The following ASMTL variants were observed in gnomAD, a reference collection of about 807,000 sequenced individuals.
ASMTL encodes acetylserotonin O-methyltransferase like.
Under a neutral mutation model 60.3 loss-of-function variants are expected in ASMTL, and 57 were observed. The ratio of observed to expected loss-of-function variants is 0.95; its 90% CI spans 0.76 to 1.18. ASMTL has a LOEUF of 1.18. ASMTL is among the 50% of genes most tolerant of loss of function. The pLI, the probability that ASMTL is intolerant of heterozygous loss-of-function variation, is 0.00. For missense variants in ASMTL, 981 were observed against 852.6 expected (o/e 1.15, Z -1.88); for synonymous variants, 419 against 373.0 (o/e 1.12, Z -1.42).
At chrX:1,445,796 AGAATCATAATGTAG>A (rs1156678981) in intron 1 of ASMTL, among the ~76,000 whole-genome samples, 2 of 152,206 alleles carry the variant, frequency 1.3e-5, no homozygotes, top group East Asian at 3.8e-4. Context: ...TCCTTGCTCT[AGAATCATAATGTAG>A]GAAAAGCCAG....
At chrX:1,414,932 CTCTT>C (rs1254762322) in intron 11 of ASMTL, among the ~76,000 whole-genome samples, 3 of 55,652 alleles carry the variant, frequency 5.4e-5, no homozygotes, top group African/African-American at 1.4e-4. Flanking sequence ...CGTCAGCTGT[CTCTT>C]TTTTTATTTT....
intron 8 of ASMTL, 55 bp downstream of exon 8, chrX:1,425,470 T>G (rs1425216261): frequency 1.0e-5 from 16 of 1,584,888 alleles, no homozygotes; most frequent in Non-Finnish European, 1.4e-5. Context: ...TCACCTTCCC[T>G]CAGTGACTTC....
intron 2 of ASMTL, among the ~76,000 whole-genome samples, chrX:1,440,883 CAT>C (rs1241378339): frequency 2.6e-5 from 4 of 152,106 alleles, no homozygotes; most frequent in African/African-American, 9.7e-5. Context: ...CACACAGTAA[CAT>C]ATTAATTCTA....
chrX:1,403,637 G>C, intron 12 of ASMTL, 148 bp from the exon 13 acceptor site: 1 of 664,146 alleles, frequency 1.5e-6, no homozygotes, highest in South Asian at 1.7e-5. Flanking sequence ...ACAGGTAGGG[G>C]AGGGGAGAGA....
At chrX:1,433,393 C>T (rs1212604740) in intron 5 of ASMTL, among the ~76,000 whole-genome samples, 10 of 146,250 alleles carry the variant, frequency 6.8e-5, no homozygotes, top group East Asian at 6.5e-4. Flanking sequence ...GGACCGCGCG[C>T]GGTGGCTCAC....
intron 5 of ASMTL, among the ~76,000 whole-genome samples, chrX:1,434,675 G>C (rs1176340031): frequency 5.3e-5 from 8 of 150,932 alleles, no homozygotes; most frequent in Non-Finnish European, 1.5e-5. Flanking sequence ...ATGGTGGTGG[G>C]CACCTGTAAT....
intron 6 of ASMTL, among the ~76,000 whole-genome samples, chrX:1,431,237 TTATA>T (rs1398746509): frequency 3.3e-5 from 4 of 122,610 alleles, no homozygotes; most frequent in African/African-American, 1.0e-4. Context: ...TAAATTATAT[TTATA>T]TATAATTATA....
At chrX:1,449,713 TA>T (rs1361282457) in intron 1 of ASMTL, among the ~76,000 whole-genome samples, 1 of 121,126 alleles carries the variant, frequency 8.3e-6, no homozygotes, top group African/African-American at 3.4e-5. Flanking sequence ...CCATCACCAG[TA>T]ACTATCCACC....
chrX:1,416,288 CACGCACACAG>C (rs2090254880), intron 11 of ASMTL, among the ~76,000 whole-genome samples: 1 of 149,640 alleles, frequency 6.7e-6, no homozygotes, highest in Non-Finnish European at 1.5e-5. Context: ...AACAGACAGG[CACGCACACAG>C]ACGCAGACAT....
At chrX:1,443,981 T>A (rs2091179266) in intron 1 of ASMTL, among the ~76,000 whole-genome samples, 2 of 152,178 alleles carry the variant, frequency 1.3e-5, no homozygotes, top group African/African-American at 4.8e-5. Flanking sequence ...CCATTTTAAG[T>A]TCCCTTGATT....
Position 1,435,008 on chromosome X carries a change from T to C in ASMTL, c.400+14A>G, listed in dbSNP as rs1274973047. 1.2e-6 allele frequency: 2 copies of C among 1,613,518 alleles called. No homozygotes were observed. Among genetic ancestry groups the C allele is most frequent in the Non-Finnish European group, 1.7e-6 (2 of 1,179,816 alleles). Reference sequence around the variant, plus strand: ...CGGCCTCTGGGGCTACCCCGAAACCTGGGCCGCGGTTACCTTTGCTGGAGC... The same window carrying C: ...CGGCCTCTGGGGCTACCCCGAAACCCGGGCCGCGGTTACCTTTGCTGGAGC... On this transcript the variant is annotated intron_variant, in intron 5 of 12. Coordinates refer to ENST00000381317, the MANE Select transcript of ASMTL (RefSeq NM_004192.4).
intron 11 of ASMTL, among the ~76,000 whole-genome samples, chrX:1,414,442 G>T (rs1412537189): frequency 1.3e-5 from 2 of 152,106 alleles, no homozygotes; most frequent in African/African-American, 2.4e-5. Context: ...TTTCCGGCCG[G>T]GCGGGGTGTA....
intron 5 of ASMTL, among the ~76,000 whole-genome samples, chrX:1,434,512 G>C (rs1426644686): frequency 7.5e-6 from 1 of 133,622 alleles, no homozygotes; most frequent in Non-Finnish European, 1.6e-5. Context: ...AAGAAAGAAA[G>C]AAAGAGAAAG....
rs376727581 is a variant in ASMTL, at chrX:1,418,034, G to C, written c.1461C>G (p.Ile487Met). ...QVTVFDLPDI[I>M]ELAAHFQPPG... ...GGGGTTGGAAGTGGGCGGCCAGCTC[G>C]ATAATGTCTGGGAGGTCAAACACAG... The change falls in exon 11 of 13, where the codon ATC (isoleucine) becomes ATG (methionine). Residue 487 changes from isoleucine to methionine, a missense_variant. Ile to Met is a conservative substitution (Grantham distance 10, BLOSUM62 1). Coordinates refer to ENST00000381317, the MANE Select transcript of ASMTL (RefSeq NM_004192.4). 2.8e-5 allele frequency: 45 copies of C among 1,613,594 alleles called. No individual in the cohort carries two copies. The highest frequency in any genetic ancestry group is 1.8e-4 in the Admixed American group (11 of 59,986).
At chrX:1,447,104 C>A (rs1190254855) in intron 1 of ASMTL, among the ~76,000 whole-genome samples, 1 of 152,146 alleles carries the variant, frequency 6.6e-6, no homozygotes, top group South Asian at 2.1e-4. Context: ...TTGGAAGGCC[C>A]CTAAAGAGTG....
rs1329724266 is a variant in ASMTL at position 1,406,206 on chromosome X, A to C, written c.1646-2717T>G. On this transcript the variant is annotated intron_variant, in intron 12 of 12. Coordinates refer to ENST00000381317, the MANE Select transcript of ASMTL (RefSeq NM_004192.4). Reference sequence around the variant, plus strand: ...GGGTAGATAGATGAATGGATGGATGAGATGGATGGATGGGTGAATAGATGG... The same window carrying C: ...GGGTAGATAGATGAATGGATGGATGCGATGGATGGATGGGTGAATAGATGG... Among the ~76,000 whole-genome samples, 4 of 138,140 alleles carry C rather than the reference A, an allele frequency of 2.9e-5. No homozygotes were observed. The Middle Eastern group carries it at 0.018, about 617-fold the overall frequency. 90.6% of individuals were successfully genotyped at this position (138,140 alleles called of 152,430 possible). A position where few individuals can be genotyped will look rare whatever the true frequency, so the allele number is the denominator to read the frequency against.
chrX:1,416,616 CAG>C (rs2149287811), intron 11 of ASMTL, among the ~76,000 whole-genome samples: 1 of 151,812 alleles, frequency 6.6e-6, no homozygotes, highest in East Asian at 1.9e-4. Context: ...CACAGACGCA[CAG>C]AAACACACAT....
chrX:1,438,648 G>A (rs1485581877), intron 3 of ASMTL, among the ~76,000 whole-genome samples: 3 of 152,186 alleles, frequency 2.0e-5, no homozygotes, highest in East Asian at 1.9e-4. Context: ...GAGTAGCTGC[G>A]ATTACAGGCG....
chrX:1,416,120 CACACAGACGCAGACAT>C lies in ASMTL; in HGVS notation c.1522+1837_1522+1852del, dbSNP rs1326979258. Among the ~76,000 whole-genome samples the C allele has an allele frequency of 1.2e-3, 177 of 151,446 alleles. 1 individual carries two copies. The highest frequency in any genetic ancestry group is 3.8e-3 in the African/African-American group (158 of 41,202). ...ACACACAGTGATACACCAACAGGCA[CACACAGACGCAGACAT>C]GCACAGATGGGCACACACACATGGA... On this transcript the variant is annotated intron_variant, in intron 11 of 12. Transcript: ENST00000381317.
Sources: allele counts gnomAD v4.1 joint callset (sites outside exome capture counted in the v4.1 genomes callset), GRCh38; gene constraint gnomAD v4.1.1; transcripts MANE v1.5; gene names NCBI Gene and HGNC (gene_info 2026-07-23, HGNC 2026-07-21).